NRG3: variants seen among roughly 807,000 people sequenced by gnomAD.
NRG3 encodes pro-neuregulin-3, membrane-bound isoform.
NRG3 carries 31 observed loss-of-function variants against 66.9 expected under a neutral mutation model. That is an observed-to-expected ratio of 0.46 (90% CI 0.35 to 0.63). The LOEUF is 0.63. Among genes scored for constraint, NRG3 ranks in the 20% least tolerant of loss-of-function variants. NRG3 has a pLI of 0.00. For missense variants in NRG3, 910 were observed against 878.9 expected, an observed-to-expected ratio of 1.04 and a Z score of -0.45; for synonymous variants, 393 against 359.4, an observed-to-expected ratio of 1.09 and a Z score of -1.06.
Position 81,964,233 on chromosome 10 carries a change from A to G in NRG3, c.823+88070A>G, listed in dbSNP as rs541116466. ...TATTGTGGTTTCCTTTATTCATTTA[A>G]CCGTATTGAGTTGGAGAAATTTATA... On this transcript the variant is annotated intron_variant, in intron 1 of 8. Coordinates refer to ENST00000372141, the MANE Select transcript of NRG3 (RefSeq NM_001010848.4). 4.1e-4 allele frequency among the ~76,000 whole-genome samples: 62 copies of G among 152,062 alleles called. 2 individuals carry two copies. The South Asian group carries it at 0.013, about 32-fold the overall frequency.
At chr10:82,390,928 AG>A (rs1252144679) in intron 2 of NRG3, among the ~76,000 whole-genome samples, 1 of 152,134 alleles carries the variant, frequency 6.6e-6, no homozygotes, top group Non-Finnish European at 1.5e-5. Context: ...TTTAGGGGGA[AG>A]TGGGTTGGGA....
chr10:82,601,336 A>G (rs1200424161), intron 2 of NRG3, among the ~76,000 whole-genome samples: 4 of 152,210 alleles, frequency 2.6e-5, no homozygotes, highest in Non-Finnish European at 5.9e-5. Context: ...ACACTTAGTA[A>G]TCACTACTGA....
chr10:82,696,965 G>C (rs942525843), intron 2 of NRG3, among the ~76,000 whole-genome samples: 1 of 152,150 alleles, frequency 6.6e-6, no homozygotes, highest in African/African-American at 2.4e-5. Context: ...CATACGTTAG[G>C]TACTTCTGTC....
intron 1 of NRG3, among the ~76,000 whole-genome samples, chr10:82,347,915 G>C (rs1319854082): frequency 6.6e-6 from 1 of 151,476 alleles, no homozygotes; most frequent in Admixed American, 6.6e-5. Flanking sequence ...TTTTCCATTT[G>C]CTTGGTAGAT....
At chr10:81,912,759 G>T (rs1173163627) in intron 1 of NRG3, among the ~76,000 whole-genome samples, 4 of 152,190 alleles carry the variant, frequency 2.6e-5, no homozygotes, top group Non-Finnish European at 5.9e-5. Flanking sequence ...AGGCCTTTGG[G>T]TGGAAGGAGA....
chr10:82,189,744 C>T (rs535582756), intron 1 of NRG3, among the ~76,000 whole-genome samples: 103 of 149,340 alleles, frequency 6.9e-4, no homozygotes, highest in African/African-American at 2.3e-3. Flanking sequence ...GAGCCGAGAT[C>T]GCACCACTGC....
chr10:82,016,833 A>G (rs542391473), intron 1 of NRG3, among the ~76,000 whole-genome samples: 1 of 152,310 alleles, frequency 6.6e-6, no homozygotes, highest in East Asian at 1.9e-4. Flanking sequence ...CATTTGACCA[A>G]TAAAACAATA....
intron 1 of NRG3, among the ~76,000 whole-genome samples, chr10:82,122,476 A>G (rs2068154246): frequency 6.6e-6 from 1 of 152,126 alleles, no homozygotes; most frequent in Non-Finnish European, 1.5e-5. Flanking sequence ...CTTGGCCATT[A>G]CACAGTCTGA....
At chr10:82,098,266 GATGTCATATATAT>G (rs1268495916) in intron 1 of NRG3, among the ~76,000 whole-genome samples, 6 of 150,210 alleles carry the variant, frequency 4.0e-5, no homozygotes, top group Admixed American at 6.6e-5. Context: ...GTCATATATA[GATGTCATATATAT>G]ATGTCATTTA....
At chr10:82,930,160 A>G (rs573436029) in intron 4 of NRG3, among the ~76,000 whole-genome samples, 5 of 152,274 alleles carry the variant, frequency 3.3e-5, no homozygotes, top group Admixed American at 1.3e-4. Context: ...TAAAAGAAAG[A>G]AGAGAGATGG....
chr10:82,927,477 A>G (rs1016768832), intron 4 of NRG3, among the ~76,000 whole-genome samples: 17 of 151,826 alleles, frequency 1.1e-4, no homozygotes, highest in Non-Finnish European at 2.9e-5. Context: ...TATTTCTCCT[A>G]ATGCTATCCC....
intron 1 of NRG3, among the ~76,000 whole-genome samples, chr10:81,959,941 T>G (rs1390204877): frequency 6.6e-6 from 1 of 152,208 alleles, no homozygotes; most frequent in Admixed American, 6.5e-5. Flanking sequence ...TTACTATTTT[T>G]TACTTTTCTC....
chr10:82,577,543 TGAGAA>T (rs1441124450), intron 2 of NRG3, among the ~76,000 whole-genome samples: 3 of 151,924 alleles, frequency 2.0e-5, no homozygotes, highest in South Asian at 2.1e-4. Flanking sequence ...ATTATTTTTC[TGAGAA>T]GAGAAGCTTG....
At chr10:82,095,386 T>G (rs1004669293) in intron 1 of NRG3, among the ~76,000 whole-genome samples, 1 of 151,948 alleles carries the variant, frequency 6.6e-6, no homozygotes, top group South Asian at 2.1e-4. Flanking sequence ...TAATCACTAA[T>G]AAAATAAATG....
At chr10:82,356,589 G>T (rs538310036) in intron 1 of NRG3, among the ~76,000 whole-genome samples, 1 of 152,286 alleles carries the variant, frequency 6.6e-6, no homozygotes, top group East Asian at 1.9e-4. Context: ...GTGTTTTGCA[G>T]AGCCTTTATT....
chr10:82,639,086 T>C (rs757008689), intron 2 of NRG3, among the ~76,000 whole-genome samples: 4 of 152,214 alleles, frequency 2.6e-5, no homozygotes, highest in Non-Finnish European at 2.9e-5. Context: ...AGTGTCTCTT[T>C]ATGTATGAAG....
In NRG3 at chr10:82,186,854, A is replaced by G. The variant is rs938002398; in HGVS notation, c.824-171885A>G. Among the ~76,000 whole-genome samples, 11 of 152,264 alleles carry G rather than the reference A, an allele frequency of 7.2e-5. No homozygotes were observed. In the Middle Eastern group the frequency reaches 0.01, roughly 142 times the overall value. ...TGAGATACTGGACTCTGGTCTGGTA[A>G]GACTTGTTTCTCTCCACATGGTACT... On this transcript the variant is annotated intron_variant, in intron 1 of 8. Transcript: ENST00000372141.
intron 1 of NRG3, among the ~76,000 whole-genome samples, chr10:82,220,512 T>A (rs1452831945): frequency 6.6e-6 from 1 of 152,076 alleles, no homozygotes; most frequent in African/African-American, 2.4e-5. Flanking sequence ...GAAGAAGATC[T>A]GGGAGATTTT....
At chr10:82,516,131 G>A (rs1045854724) in intron 2 of NRG3, among the ~76,000 whole-genome samples, 2 of 151,872 alleles carry the variant, frequency 1.3e-5, no homozygotes, top group African/African-American at 2.4e-5. Context: ...ATTTTGAATG[G>A]TTGGAACATT....
Sources: gnomAD v4.1 joint callset for allele counts (sites outside exome capture counted in the v4.1 genomes callset) on GRCh38, gnomAD v4.1.1 for gene constraint, MANE v1.5 for transcripts, NCBI Gene and HGNC (gene_info 2026-07-23, HGNC 2026-07-21) for gene names.